The following LY6D variants were observed in gnomAD, a reference collection of about 807,000 sequenced individuals.
LY6D encodes the protein lymphocyte antigen 6 family member D, also known as lymphocyte antigen 6D.
LY6D carries 7 observed loss-of-function variants against 5.6 expected under a neutral mutation model. That is an observed-to-expected ratio of 1.24 (90% CI 0.71 to 2.34). The LOEUF is 2.34. LY6D is among the 30% of genes most tolerant of loss of function. The probability of loss-of-function intolerance (pLI) is 0.00; values close to 1 mark genes in which losing one functional copy is unlikely to be tolerated. For synonymous variants in LY6D, 81 were observed against 75.0 expected (o/e 1.08, Z -0.41); for missense variants, 148 against 164.8 (o/e 0.90, Z 0.56).
chr8:142,785,572 G>A lies in LY6D; in HGVS notation c.151+17C>T. 3.7e-6 allele frequency: 6 copies of A among 1,612,924 alleles called. No homozygotes were observed. Among genetic ancestry groups the A allele is most frequent in the Non-Finnish European group, 5.1e-6 (6 of 1,179,408 alleles). On this transcript the variant is annotated intron_variant, in intron 2 of 2. Coordinates refer to ENST00000301263, the MANE Select transcript of LY6D (RefSeq NM_003695.3). ...ATGTCCCCCAGCCCCAGGGACACCT[G>A]GACAGATGCTACCCACCTGTGTTCG...
intron 1 of LY6D, 141 bp from the exon 2 acceptor site, chr8:142,785,828 G>T (rs1459414114): frequency 2.1e-6 from 3 of 1,456,594 alleles, no homozygotes; most frequent in Non-Finnish European, 2.7e-6. Flanking sequence ...CCGGGCTCTG[G>T]GTCCTGGCAG....
chr8:142,785,982 C>G, intron 1 of LY6D: 2 of 1,299,282 alleles, frequency 1.5e-6, no homozygotes, highest in Non-Finnish European at 2.0e-6. Context: ...GCCAAGAGGA[C>G]ACTGGCTCTT....
Position 142,785,317 on chromosome 8 carries a change from G to A in LY6D, c.291C>T (p.His97=). The A allele has an allele frequency of 6.2e-7, 1 of 1,613,752 alleles. No individual in the cohort carries two copies. Among genetic ancestry groups the A allele is most frequent in the Non-Finnish European group, 8.5e-7 (1 of 1,179,954 alleles). Residue 97 remains histidine, a synonymous_variant, in exon 3 of 3, where the codon CAC becomes CAT. Transcript: ENST00000301263. ...CQEDLCNEKL[H]NAAPTRTALA... is the part of the protein sequence containing the mutation. ...GGGCGGTGCGGGTGGGTGCAGCGTT[G>A]TGCAGCTTCTCATTGCACAGGTCCT...
Position 142,784,970 on chromosome 8 carries a change from C to T in LY6D, c.*251G>A. 2.0e-6 allele frequency: 1 copy of T among 502,000 alleles called. No individual in the cohort carries two copies. The highest frequency in any genetic ancestry group is 2.9e-5 in the East Asian group (1 of 34,100). The allele number at this position is 502,000 out of a possible 1,614,324, so 31.1% of individuals were successfully genotyped here. On this transcript the variant is annotated 3_prime_UTR_variant, in exon 3 of 3. Transcript: ENST00000301263. The stretch of plus-strand genomic sequence containing the variant: ...AAGGAGTGTGAAATCCGGGGATCCA[C>T]AGGGCTTCTGTCCTCCACCTTCCAT...
chr8:142,785,554 C>T (rs780274381), intron 2 of LY6D, 35 bp downstream of exon 2: 3 of 1,608,160 alleles, frequency 1.9e-6, no homozygotes, highest in Non-Finnish European at 2.6e-6. Context: ...GGGATGTCCC[C>T]CAGCCCCAGG....
Position 142,785,146 on chromosome 8 carries a change from C to T in LY6D, c.*75G>A, listed in dbSNP as rs373788232. The T allele has an allele frequency of 3.5e-5, 43 of 1,228,528 alleles. No homozygotes were observed. Among genetic ancestry groups the T allele is most frequent in the East Asian group, 3.0e-4 (12 of 40,186 alleles). The allele number at this position is 1,228,528 out of a possible 1,614,324, so 76.1% of individuals were successfully genotyped here. A position where few individuals can be genotyped will look rare whatever the true frequency, so the allele number is the denominator to read the frequency against. The stretch of plus-strand genomic sequence containing the variant: ...CCTGGGGCTCCTGGCACCCCCGTTG[C>T]GGCTGGGGAAGAGAGGTGTGGAATC... On this transcript the variant is annotated 3_prime_UTR_variant, in exon 3 of 3. Transcript: ENST00000301263.
In LY6D at chr8:142,785,253, G is replaced by T; in HGVS notation, c.355C>A (p.Leu119Ile). ...CTGGGGGCTAAGATGACGGCCAGGAGGCTCAGGGCCAGCCCCAGGCTGAGG... is the reference window on the plus strand; with the variant it reads ...CTGGGGGCTAAGATGACGGCCAGGATGCTCAGGGCCAGCCCCAGGCTGAGG... Reference protein sequence around the residue: ...SALSLGLALSLLAVILAPSL With the variant: ...SALSLGLALSILAVILAPSL Residue 119 changes from leucine to isoleucine, a missense_variant, in exon 3 of 3, where the codon CTC becomes ATC. Transcript: ENST00000301263. The T allele has an allele frequency of 6.2e-7, 1 of 1,609,290 alleles. No individual in the cohort carries two copies. Among genetic ancestry groups the T allele is most frequent in the Admixed American group, 1.7e-5 (1 of 59,920 alleles).
chr8:142,785,182 G>A lies in LY6D; in HGVS notation c.*39C>T, dbSNP rs767055010. The A allele has an allele frequency of 9.3e-6, 14 of 1,502,368 alleles. No individual in the cohort carries two copies. The highest frequency in any genetic ancestry group is 7.0e-5 in the Admixed American group (4 of 56,824). 93.1% of individuals were successfully genotyped at this position (1,502,368 alleles called of 1,614,324 possible). ...GAGAGGTGTGGAATCCCCAGAGAAAGGGAAGGAAAGGCATGAGGGGCCTTC... is the reference window on the plus strand; with the variant it reads ...GAGAGGTGTGGAATCCCCAGAGAAAAGGAAGGAAAGGCATGAGGGGCCTTC... On this transcript the variant is annotated 3_prime_UTR_variant, in exon 3 of 3. Coordinates refer to ENST00000301263, the MANE Select transcript of LY6D (RefSeq NM_003695.3).
intron 1 of LY6D, 35 bp downstream of exon 1, chr8:142,786,430 G>GGGC: frequency 4.9e-6 from 7 of 1,434,728 alleles, no homozygotes; most frequent in Non-Finnish European, 6.6e-6. Context: ...GGCCACAGCC[G>GGGC]CCCACCCGCC....
rs746142375 is a variant in LY6D at position 142,785,301 on chromosome 8, G to A, written c.307C>T (p.Arg103Cys). ...NEKLHNAAPT[R>C]TALAHSALSL... ...AGGGCACTGTGGGCGAGGGCGGTGC[G>A]GGTGGGTGCAGCGTTGTGCAGCTTC... The change falls in exon 3 of 3, where the codon CGC becomes TGC. Residue 103 changes from arginine (R) to cysteine (C), a missense_variant. By Grantham distance (180) the Arg-to-Cys change is radical. Transcript: ENST00000301263. The A allele has an allele frequency of 3.0e-5, 49 of 1,613,502 alleles. No individual in the cohort carries two copies. The highest frequency in any genetic ancestry group is 1.3e-4 in the South Asian group (12 of 91,056).
At chr8:142,785,903 G>A in intron 1 of LY6D, 1 of 1,413,782 alleles carries the variant, frequency 7.1e-7, no homozygotes, top group South Asian at 1.5e-5. Context: ...TGGAAGAGGT[G>A]TCCTGCCCTG....
In LY6D at chr8:142,786,211, A is replaced by G; in HGVS notation, c.52+254T>C. ...CCGCTCTCCCAGTGAGAAGCATCTC[A>G]AGACAACCCCCTGCTCCACTCTCTC... On this transcript the variant is annotated intron_variant, in intron 1 of 2. Coordinates refer to ENST00000301263, the MANE Select transcript of LY6D (RefSeq NM_003695.3). 2.3e-6 allele frequency: 3 copies of G among 1,320,074 alleles called. No homozygotes were observed. The South Asian group carries it at 6.5e-5, about 29-fold the overall frequency. The allele number at this position is 1,320,074 out of a possible 1,614,324, so 81.8% of individuals were successfully genotyped here.
At position 142,785,300 on chromosome 8, in the gene LY6D, C is replaced by A. The variant is rs375708895; in HGVS notation, c.308G>T (p.Arg103Leu). 6.2e-7 allele frequency: 1 copy of A among 1,613,454 alleles called. No homozygotes were observed. Among genetic ancestry groups the A allele is most frequent in the Non-Finnish European group, 8.5e-7 (1 of 1,179,848 alleles). Residue 103 changes from arginine (R) to leucine (L), a missense_variant, in exon 3 of 3, where the codon CGC becomes CTC. Coordinates refer to ENST00000301263, the MANE Select transcript of LY6D (RefSeq NM_003695.3). ...NEKLHNAAPTRTALAHSALSL... is the reference protein window; with the variant it reads ...NEKLHNAAPTLTALAHSALSL... ...GAGGGCACTGTGGGCGAGGGCGGTG[C>A]GGGTGGGTGCAGCGTTGTGCAGCTT...
intron 1 of LY6D, 198 bp from the exon 2 acceptor site, chr8:142,785,885 GGCC>G: frequency 7.0e-7 from 1 of 1,422,008 alleles, no homozygotes; most frequent in Non-Finnish European, 9.2e-7. Flanking sequence ...TTCCAGCCTG[GGCC>G]GGCTTGGAAG....
intron 1 of LY6D, chr8:142,786,206 A>G (rs1815652426): frequency 7.6e-7 from 1 of 1,311,516 alleles, no homozygotes; most frequent in Non-Finnish European, 9.7e-7. Flanking sequence ...AGTGAGAAGC[A>G]TCTCAAGACA....
At chr8:142,785,887 C>T in intron 1 of LY6D, 200 bp from the exon 2 acceptor site, 1 of 1,420,648 alleles carries the variant, frequency 7.0e-7, no homozygotes, top group Non-Finnish European at 9.2e-7. Flanking sequence ...CCAGCCTGGG[C>T]CGGCTTGGAA....
intron 1 of LY6D, chr8:142,786,064 G>C (rs1007541987): frequency 2.1e-5 from 25 of 1,192,254 alleles, no homozygotes; most frequent in Non-Finnish European, 2.3e-5. Flanking sequence ...TAAGGCCCCG[G>C]GGGCAGCCAG....
Position 142,784,994 on chromosome 8 carries a change from A to T in LY6D, c.*227T>A, listed in dbSNP as rs1489133333. ...ACAGGGCTTCTGTCCTCCACCTTCC[A>T]TGCAGCTGGGGGCTGCATCCTCTGT... On this transcript the variant is annotated 3_prime_UTR_variant, in exon 3 of 3. Coordinates refer to ENST00000301263, the MANE Select transcript of LY6D (RefSeq NM_003695.3). The T allele has an allele frequency of 3.7e-6, 2 of 541,908 alleles. No individual in the cohort carries two copies. The highest frequency in any genetic ancestry group is 5.7e-5 in the East Asian group (2 of 35,366). 33.6% of individuals were successfully genotyped at this position (541,908 alleles called of 1,614,324 possible).
At chr8:142,785,890 G>C in intron 1 of LY6D, 2 of 1,419,490 alleles carry the variant, frequency 1.4e-6, no homozygotes, top group Non-Finnish European at 9.2e-7. Context: ...GCCTGGGCCG[G>C]CTTGGAAGAG....
Sources: allele counts gnomAD v4.1 joint callset, GRCh38; gene constraint gnomAD v4.1.1; transcripts MANE v1.5; gene names NCBI Gene and HGNC (gene_info 2026-07-23, HGNC 2026-07-21).